ADGRV1: variants seen among roughly 807,000 people sequenced by gnomAD.
ADGRV1 encodes adhesion G protein-coupled receptor V1.
In ADGRV1, 359 loss-of-function variants were observed where a neutral mutation model predicts 596.2. The observed-to-expected ratio is 0.60, with a 90% CI of 0.55 to 0.66. The LOEUF is 0.66. ADGRV1 is among the 30% of genes least tolerant of loss of function. The pLI, the probability that ADGRV1 is intolerant of heterozygous loss-of-function variation, is 0.00. For synonymous variants in ADGRV1, 2,681 were observed against 2,679.2 expected (o/e 1.00, Z -0.02); for missense variants, 7,274 against 7,575.6 (o/e 0.96, Z 1.48).
At chr5:90,770,570 T>C (rs1486599290) in intron 59 of ADGRV1, among the ~76,000 whole-genome samples, 1 of 152,188 alleles carries the variant, frequency 6.6e-6, no homozygotes, top group Non-Finnish European at 1.5e-5. Context: ...CCCTTTATGG[T>C]GTCTACATGT....
At chr5:90,754,631 T>C (rs1755632170) in intron 54 of ADGRV1, among the ~76,000 whole-genome samples, 1 of 152,214 alleles carries the variant, frequency 6.6e-6, no homozygotes, top group African/African-American at 2.4e-5. Flanking sequence ...CTTTTGAGCC[T>C]TTATAATTAT....
intron 79 of ADGRV1, among the ~76,000 whole-genome samples, chr5:90,851,428 A>C (rs971654779): frequency 6.6e-6 from 1 of 152,166 alleles, no homozygotes; most frequent in Non-Finnish European, 1.5e-5. Flanking sequence ...GGAAGCCCTA[A>C]AGATGCTGAA....
Position 90,716,709 on chromosome 5 carries a change from G to T in ADGRV1, c.9427G>T (p.Glu3143Ter), listed in dbSNP as rs770656180. Reference sequence around the variant, plus strand: ...TCCTTCCAAAGGCTATATTGTTTTAGAAGAAGGTGTTCGATTCAAGGTACA... The same window carrying T: ...TCCTTCCAAAGGCTATATTGTTTTATAAGAAGGTGTTCGATTCAAGGTACA... ...LTPSKGYIVL[E>*]EGVRFKALQI... is the part of the protein sequence containing the mutation. Residue 3143 changes from glutamate to a stop codon, truncating the protein, a stop_gained, in exon 43 of 90, where the codon GAA (glutamate) becomes TAA (stop). Coordinates refer to ENST00000405460, the MANE Select transcript of ADGRV1 (RefSeq NM_032119.4). LOFTEE classifies it high-confidence loss of function. The T allele has an allele frequency of 6.2e-7, 1 of 1,612,648 alleles. No homozygotes were observed.
chr5:90,870,617 G>A (rs1768568543), intron 83 of ADGRV1, among the ~76,000 whole-genome samples: 1 of 152,200 alleles, frequency 6.6e-6, no homozygotes, highest in South Asian at 2.1e-4. Context: ...AAAGGTTAAA[G>A]AGTAAATGGA....
At chr5:90,824,240 T>G (rs532556416) in intron 76 of ADGRV1, among the ~76,000 whole-genome samples, 1 of 152,374 alleles carries the variant, frequency 6.6e-6, no homozygotes, top group South Asian at 2.1e-4. Context: ...GTCTTTTGTC[T>G]TTTCAATATT....
At position 90,759,430 on chromosome 5, in the gene ADGRV1, A is replaced by G. The variant is rs1470113932; in HGVS notation, c.11962A>G (p.Thr3988Ala). The change falls in exon 58 of 90, where the codon ACC (threonine) becomes GCC (alanine). Residue 3988 changes from threonine to alanine, a missense_variant. Thr to Ala is a moderately conservative substitution (Grantham distance 58, BLOSUM62 0). This residue lies in a region of ADGRV1 where 3,643 missense variants were observed against 3,809.2 expected (regional missense o/e 0.96). Transcript: ENST00000405460. ...ATAGGTTACTGCAATGATAGAAATC[A>G]CCATAATTGATGATGCTGAATTTGA... ...DKQVTAMIEI[T>A]IIDDAEFELT... is the part of the protein sequence containing the mutation. 9 of 1,566,710 alleles carry G rather than the reference A, an allele frequency of 5.7e-6. No homozygotes were observed. Among genetic ancestry groups the G allele is most frequent in the Non-Finnish European group, 7.8e-6 (9 of 1,153,954 alleles).
rs766217278 is a variant in ADGRV1, at chr5:90,985,375, A to T, written c.18005A>T (p.Asn6002Ile). ...SVNFWYVLVM[N>I]DEHTERRYLL... is the part of the protein sequence containing the mutation. ...AATTTCTGGTACGTGCTGGTGATGA[A>T]TGATGAGCACACAGAGAGGCGATAT... Residue 6002 changes from asparagine to isoleucine, a missense_variant, in exon 85 of 90, where the codon AAT (asparagine) becomes ATT (isoleucine). By Grantham distance (149) the Asn-to-Ile change is moderately radical (BLOSUM62 -3). Transcript: ENST00000405460. The T allele has an allele frequency of 6.2e-7, 1 of 1,613,354 alleles. No individual in the cohort carries two copies. Among genetic ancestry groups the T allele is most frequent in the Admixed American group, 1.7e-5 (1 of 59,982 alleles).
chr5:90,935,113 A>G (rs1437276447), intron 83 of ADGRV1, among the ~76,000 whole-genome samples: 2 of 152,188 alleles, frequency 1.3e-5, no homozygotes, highest in South Asian at 2.1e-4. Context: ...CATCTCTGGC[A>G]TTTATGATGG....
At chr5:90,640,216 A>G (rs1766786998) in intron 11 of ADGRV1, among the ~76,000 whole-genome samples, 1 of 152,306 alleles carries the variant, frequency 6.6e-6, no homozygotes, top group Middle Eastern at 3.4e-3. Flanking sequence ...CTGTTTGAAA[A>G]TGAAATACAC....
chr5:90,977,358 C>A (rs1779702443), intron 84 of ADGRV1, among the ~76,000 whole-genome samples: 2 of 152,216 alleles, frequency 1.3e-5, no homozygotes, highest in African/African-American at 4.8e-5. Context: ...TTAATAGCAT[C>A]TGTGATCTGT....
chr5:91,011,254 A>G (rs1291442713), intron 85 of ADGRV1, among the ~76,000 whole-genome samples: 1 of 152,040 alleles, frequency 6.6e-6, no homozygotes, highest in East Asian at 1.9e-4. Context: ...GTTAATGTTT[A>G]TGGTAAAGTC....
chr5:90,596,511 A>C (rs1760636420), intron 1 of ADGRV1, among the ~76,000 whole-genome samples: 1 of 152,122 alleles, frequency 6.6e-6, no homozygotes, highest in Non-Finnish European at 1.5e-5. Flanking sequence ...TTGAGCACTG[A>C]GTGAACCAGA....
Position 90,810,965 on chromosome 5 carries a change from T to G in ADGRV1, c.15705T>G (p.Asn5235Lys). 2 of 1,614,044 alleles carry G rather than the reference T, an allele frequency of 1.2e-6. No homozygotes were observed. Among genetic ancestry groups the G allele is most frequent in the Non-Finnish European group, 1.7e-6 (2 of 1,179,896 alleles). Residue 5235 changes from asparagine to lysine, a missense_variant, in exon 74 of 90, where the codon AAT becomes AAG. By Grantham distance (94) the Asn-to-Lys change is moderately conservative (BLOSUM62 0). Transcript: ENST00000405460. ...TTTATATTGAAGAGGAGATGAAGAA[T>G]GGCACATTCAACACTGCAGAAGTTC... ...SIVYIEEEMK[N>K]GTFNTAEVLI...
intron 21 of ADGRV1, among the ~76,000 whole-genome samples, chr5:90,661,276 T>C (rs1260874471): frequency 1.3e-5 from 2 of 152,232 alleles, no homozygotes; most frequent in African/African-American, 4.8e-5. Flanking sequence ...GCTAATCGTA[T>C]TGTTTTATTT....
chr5:91,049,122 A>G (rs903656796), intron 85 of ADGRV1, among the ~76,000 whole-genome samples: 5 of 152,200 alleles, frequency 3.3e-5, no homozygotes, highest in African/African-American at 1.2e-4. Flanking sequence ...TATCCATGTT[A>G]ACAAAATATA....
chr5:90,651,477 G>T, intron 17 of ADGRV1, 127 bp from the exon 18 acceptor site: 2 of 728,312 alleles, frequency 2.7e-6, no homozygotes, highest in Non-Finnish European at 4.2e-6. Flanking sequence ...TTTATTATAT[G>T]ACCTTCAGTG....
chr5:90,705,563 A>C lies in ADGRV1; in HGVS notation c.8550A>C (p.Arg2850Ser). The C allele has an allele frequency of 6.2e-7, 1 of 1,613,642 alleles. No individual in the cohort carries two copies. Among genetic ancestry groups the C allele is most frequent in the Non-Finnish European group, 8.5e-7 (1 of 1,179,692 alleles). The part of the protein sequence containing the change: ...ANITIQLFIN[R>S]EFGSLGAINV... ...TAACAATTCAGCTTTTCATCAACAG[A>C]GAATTTGGATCTCTAGGTTTGTGTT... Residue 2850 changes from arginine to serine, a missense_variant, in exon 37 of 90, where the codon AGA (arginine) becomes AGC (serine). Arg to Ser is a moderately radical substitution (Grantham distance 110). Transcript: ENST00000405460.
intron 83 of ADGRV1, among the ~76,000 whole-genome samples, chr5:90,936,883 A>G (rs573478864): frequency 4.9e-4 from 75 of 152,270 alleles, no homozygotes; most frequent in African/African-American, 1.7e-3. Flanking sequence ...AAAAAATGTA[A>G]TATGTCTAAA....
chr5:90,782,534 A>G (rs545922646), intron 65 of ADGRV1, among the ~76,000 whole-genome samples: 10 of 152,148 alleles, frequency 6.6e-5, no homozygotes, highest in Non-Finnish European at 1.2e-4. Context: ...AATATGCAGA[A>G]TTTAGCATAG....
Sources: allele counts gnomAD v4.1 joint callset (sites outside exome capture counted in the v4.1 genomes callset), GRCh38; gene constraint gnomAD v4.1.1; regional missense constraint gnomAD v4.1.1; transcripts MANE v1.5; gene names NCBI Gene and HGNC (gene_info 2026-07-23, HGNC 2026-07-21).